Variants in NTSR2 observed in about 807,000 individuals in gnomAD.
NTSR2 encodes the protein neurotensin receptor 2.
Under a neutral mutation model 24.1 loss-of-function variants are expected in NTSR2, and 22 were observed. That is an observed-to-expected ratio of 0.91 (90% confidence interval 0.65 to 1.30). NTSR2 has a LOEUF of 1.30. Ranked by LOEUF, NTSR2 falls within the 50% of genes most tolerant of loss-of-function variation. NTSR2 has a pLI of 0.00. For missense variants in NTSR2, 570 were observed against 570.4 expected (o/e 1.00, Z 0.01); for synonymous variants, 291 against 267.0 (o/e 1.09, Z -0.88).
At chr2:11,668,428 G>A (rs1007272444) in intron 1 of NTSR2, among the ~76,000 whole-genome samples, 1 of 152,204 alleles carries the variant, frequency 6.6e-6, no homozygotes, top group Non-Finnish European at 1.5e-5. Context: ...GCCTCACCTG[G>A]GGACGTGCCA....
intron 3 of NTSR2, among the ~76,000 whole-genome samples, chr2:11,659,042 G>A (rs915005757): frequency 6.6e-6 from 1 of 152,024 alleles, no homozygotes; most frequent in South Asian, 2.1e-4. Flanking sequence ...TAGTAGAGAC[G>A]CGGTTTCACC....
chr2:11,658,536 A>T lies in NTSR2; in HGVS notation c.1176T>A (p.Ser392Arg). 1.9e-6 allele frequency: 3 copies of T among 1,613,896 alleles called. No homozygotes were observed. The highest frequency in any genetic ancestry group is 2.5e-6 in the Non-Finnish European group (3 of 1,179,954). The change falls in exon 4 of 4, where the codon AGT becomes AGA. Residue 392 changes from serine to arginine, a missense_variant. Ser to Arg is a moderately radical substitution (Grantham distance 110). Transcript: ENST00000306928. ...PMKRLPPKPQSPTLMDTASGF... is the reference protein window; with the variant it reads ...PMKRLPPKPQRPTLMDTASGF... ...CTGAAGCTGTATCCATTAGGGTGGGACTCTGGGGCTTCGGGGGTAACCGCT... is the reference window on the plus strand; with the variant it reads ...CTGAAGCTGTATCCATTAGGGTGGGTCTCTGGGGCTTCGGGGGTAACCGCT...
In NTSR2 at chr2:11,669,552, A is replaced by C; in HGVS notation, c.578T>G (p.Val193Gly). The change falls in exon 1 of 4, where the codon GTG (valine) becomes GGG (glycine). Residue 193 changes from valine to glycine, a missense_variant. Coordinates refer to ENST00000306928, the MANE Select transcript of NTSR2 (RefSeq NM_012344.4). ...GGTGCGGCTCACCAGCACCGTGCAC[A>C]CTCGCGAGGCGGGCTCCGGCTCCCC... ...ADGEPEPASRVCTVLVSRTAL... is the reference protein window; with the variant it reads ...ADGEPEPASRGCTVLVSRTAL... The C allele has an allele frequency of 6.9e-7, 1 of 1,443,112 alleles. No homozygotes were observed. The highest frequency in any genetic ancestry group is 9.2e-7 in the Non-Finnish European group (1 of 1,090,656). 89.4% of individuals were successfully genotyped at this position (1,443,112 alleles called of 1,614,324 possible). A position where few individuals can be genotyped will look rare whatever the true frequency, so the allele number is the denominator to read the frequency against.
chr2:11,662,113 G>C lies in NTSR2; in HGVS notation c.752C>G (p.Pro251Arg). The change falls in exon 2 of 4, where the codon CCC becomes CGC. Residue 251 changes from proline (P) to arginine (R), a missense_variant. By Grantham distance (103) the Pro-to-Arg change is moderately radical. Transcript: ENST00000306928. ...PSTSTPGSSTPSRLELLSEEG... is the reference protein window; with the variant it reads ...PSTSTPGSSTRSRLELLSEEG... ...CTCACTCAGCAGCTCCAGGCGGCTG[G>C]GGGTGGAGCTGCCCGGGGTAGAAGT... The C allele has an allele frequency of 6.2e-7, 1 of 1,613,090 alleles. No homozygotes were observed. The highest frequency in any genetic ancestry group is 8.5e-7 in the Non-Finnish European group (1 of 1,179,728).
rs1001444406 is a variant in NTSR2, at chr2:11,660,300, C to T, written c.899-167G>A. 5.9e-4 allele frequency among the ~76,000 whole-genome samples: 90 copies of T among 152,148 alleles called. 1 individual carries two copies. Among genetic ancestry groups the T allele is most frequent in the Non-Finnish European group, 7.9e-4 (54 of 68,030 alleles). On this transcript the variant is annotated intron_variant, in intron 2 of 3. Transcript: ENST00000306928. ...GGCTTTGAGGTTATCTGATATATCCCGACCTGAATCTCTTCTCAAACCTCA... is the reference window on the plus strand; with the variant it reads ...GGCTTTGAGGTTATCTGATATATCCTGACCTGAATCTCTTCTCAAACCTCA...
chr2:11,667,180 A>T (rs192816299), intron 1 of NTSR2, among the ~76,000 whole-genome samples: 2 of 152,258 alleles, frequency 1.3e-5, no homozygotes, highest in Admixed American at 1.3e-4. Context: ...CTGACCTGAG[A>T]TCTCTGCCCC....
chr2:11,667,195 T>A (rs1264536672), intron 1 of NTSR2, among the ~76,000 whole-genome samples: 2 of 152,162 alleles, frequency 1.3e-5, no homozygotes, highest in Non-Finnish European at 2.9e-5. Flanking sequence ...TGCCCCAACA[T>A]CCTTGCTTCA....
At chr2:11,667,233 C>T (rs965734960) in intron 1 of NTSR2, among the ~76,000 whole-genome samples, 7 of 152,230 alleles carry the variant, frequency 4.6e-5, no homozygotes, top group Non-Finnish European at 8.8e-5. Flanking sequence ...AAGTTGCCTC[C>T]AGTTCTGTTT....
Position 11,670,055 on chromosome 2 carries a change from C to T in NTSR2, c.75G>A (p.Val25=). The T allele has an allele frequency of 1.4e-6, 2 of 1,477,476 alleles. No homozygotes were observed. The highest frequency in any genetic ancestry group is 2.6e-5 in the South Asian group (2 of 76,096). The allele number at this position is 1,477,476 out of a possible 1,614,324, so 91.5% of individuals were successfully genotyped here. A position where few individuals can be genotyped will look rare whatever the true frequency, so the allele number is the denominator to read the frequency against. ...PGLSLDARLG[V]DTRLWAKVLF... is the part of the protein sequence containing the mutation. Reference sequence around the variant, plus strand: ...GCACCTTGGCCCAGAGGCGAGTGTCCACGCCCAGCCGGGCGTCCAGGCTCA... The same window carrying T: ...GCACCTTGGCCCAGAGGCGAGTGTCTACGCCCAGCCGGGCGTCCAGGCTCA... The change falls in exon 1 of 4, where the codon GTG becomes GTA. Residue 25 remains valine, a synonymous_variant. Coordinates refer to ENST00000306928, the MANE Select transcript of NTSR2 (RefSeq NM_012344.4).
At chr2:11,661,647 C>T (rs1661073865) in intron 2 of NTSR2, among the ~76,000 whole-genome samples, 2 of 152,264 alleles carry the variant, frequency 1.3e-5, no homozygotes, top group South Asian at 2.1e-4. Flanking sequence ...AATTTGCAGC[C>T]GCAGTCTTTA....
chr2:11,669,459 C>CCGGG, intron 1 of NTSR2, 47 bp downstream of exon 1: 170 of 337,658 alleles, frequency 5.0e-4, no homozygotes, highest in East Asian at 8.1e-4. Context: ...CTCCCAGCAC[C>CCGGG]GCCCCCCCAC....
chr2:11,658,691 T>C lies in NTSR2; in HGVS notation c.1021A>G (p.Met341Val), dbSNP rs547664267. 8 of 1,614,080 alleles carry C rather than the reference T, an allele frequency of 5.0e-6. No individual in the cohort carries two copies. The highest frequency in any genetic ancestry group is 1.1e-5 in the South Asian group (1 of 91,062). The change falls in exon 4 of 4, where the codon ATG becomes GTG. Residue 341 changes from methionine to valine, a missense_variant. By Grantham distance (21) the Met-to-Val change is conservative. Coordinates refer to ENST00000306928, the MANE Select transcript of NTSR2 (RefSeq NM_012344.4). Reference sequence around the variant, plus strand: ...ACGTAGAAAAGTGTGTTGGTCACCATGTAGAAGTAGTGGTAGAAATTGTAC... The same window carrying C: ...ACGTAGAAAAGTGTGTTGGTCACCACGTAGAAGTAGTGGTAGAAATTGTAC... ...PLYNFYHYFY[M>V]VTNTLFYVSS...
intron 1 of NTSR2, among the ~76,000 whole-genome samples, chr2:11,666,849 G>A (rs1661212561): frequency 1.3e-5 from 2 of 152,154 alleles, no homozygotes; most frequent in African/African-American, 2.4e-5. Flanking sequence ...GAGAGAAGAC[G>A]GGACAGGTGG....
rs6742234 is a variant in NTSR2, at chr2:11,658,355, A to T, written c.*124T>A. On this transcript the variant is annotated 3_prime_UTR_variant, in exon 4 of 4. Transcript: ENST00000306928. ...TGCGCTTGATGGTTCTCAGCAGAGC[A>T]GGGGTTGATAGAAGTCGCCCTGGCT... The T allele has an allele frequency of 0.17, 222,079 of 1,336,556 alleles. 22,104 individuals carry two copies. The highest frequency in any genetic ancestry group is 0.42 in the African/African-American group (28,944 of 68,304). The allele number at this position is 1,336,556 out of a possible 1,614,324, so 82.8% of individuals were successfully genotyped here.
rs151252387 is a variant in NTSR2, at chr2:11,662,128, G to A, written c.737C>T (p.Pro246Leu). 4.5e-5 allele frequency: 72 copies of A among 1,611,074 alleles called. No individual in the cohort carries two copies. Among genetic ancestry groups the A allele is most frequent in the Middle Eastern group, 1.7e-4 (1 of 6,060 alleles). Reference sequence around the variant, plus strand: ...CAGGCGGCTGGGGGTGGAGCTGCCCGGGGTAGAAGTGGACGGCACTTGGGA... The same window carrying A: ...CAGGCGGCTGGGGGTGGAGCTGCCCAGGGTAGAAGTGGACGGCACTTGGGA... ...LCSQVPSTSTPGSSTPSRLEL... is the reference protein window; with the variant it reads ...LCSQVPSTSTLGSSTPSRLEL... Residue 246 changes from proline to leucine, a missense_variant, in exon 2 of 4, where the codon CCG becomes CTG. By Grantham distance (98) the Pro-to-Leu change is moderately conservative. Transcript: ENST00000306928.
chr2:11,665,055 G>GTTTTTTTTTTTTTTTTT (rs34751276), intron 1 of NTSR2, among the ~76,000 whole-genome samples: 1 of 106,676 alleles, frequency 9.4e-6, no homozygotes. Context: ...CTTTGGCACT[G>GTTTTTTTTTTTTTTTTT]TTTTTTTTTT....
chr2:11,662,608 T>C (rs1006135797), intron 1 of NTSR2, among the ~76,000 whole-genome samples: 2 of 152,056 alleles, frequency 1.3e-5, no homozygotes, highest in Admixed American at 6.6e-5. Context: ...GGTGAAACCC[T>C]GTCTCTACTA....
At chr2:11,665,007 T>C (rs972136429) in intron 1 of NTSR2, among the ~76,000 whole-genome samples, 1 of 151,342 alleles carries the variant, frequency 6.6e-6, no homozygotes, top group East Asian at 1.9e-4. Context: ...TCAAGGAAAC[T>C]GTGAGCAGCA....
Position 11,665,055 on chromosome 2 carries a change from G to GTT in NTSR2, c.625-2817_625-2816dup, listed in dbSNP as rs34751276. 2.7e-4 allele frequency among the ~76,000 whole-genome samples: 29 copies of GTT among 106,672 alleles called. 1 individual carries two copies. The highest frequency in any genetic ancestry group is 4.0e-4 in the Non-Finnish European group (22 of 55,344). The allele number at this position is 106,672 out of a possible 152,430, so 70.0% of individuals were successfully genotyped here. ...AAACATTGCTTGGCACTTTGGCACT[G>GTT]TTTTTTTTTTTTTTTTTTTTTTTTT... On this transcript the variant is annotated intron_variant, in intron 1 of 3. Coordinates refer to ENST00000306928, the MANE Select transcript of NTSR2 (RefSeq NM_012344.4).
Sources: allele counts gnomAD v4.1 joint callset (sites outside exome capture counted in the v4.1 genomes callset), GRCh38; gene constraint gnomAD v4.1.1; transcripts MANE v1.5; gene names NCBI Gene and HGNC (gene_info 2026-07-23, HGNC 2026-07-21).